Variants in EFCC1 observed in about 807,000 individuals in gnomAD.
The protein encoded by EFCC1 is EF-hand and coiled-coil domain-containing protein 1.
EFCC1 carries 50 observed loss-of-function variants against 52.1 expected under a neutral mutation model. The ratio of observed to expected loss-of-function variants is 0.96; its 90% confidence interval spans 0.76 to 1.21. The LOEUF is 1.21. EFCC1 is among the 50% of genes most tolerant of loss of function. EFCC1 has a pLI of 0.00. For synonymous variants in EFCC1, 399 were observed against 396.5 expected (o/e 1.01, Z -0.08); for missense variants, 837 against 867.3 (o/e 0.97, Z 0.44).
chr3:129,030,714 C>T lies in EFCC1; in HGVS notation c.992C>T (p.Ser331Phe). 6.4e-7 allele frequency: 1 copy of T among 1,551,412 alleles called. No individual in the cohort carries two copies. The highest frequency in any genetic ancestry group is 1.2e-5 in the South Asian group (1 of 84,030). The change falls in exon 3 of 8, where the codon TCC (serine) becomes TTC (phenylalanine). Residue 331 changes from serine (S) to phenylalanine (F), a missense_variant. Coordinates refer to ENST00000683648, the MANE Select transcript of EFCC1 (RefSeq NM_001377500.1). Reference protein sequence around the residue: ...AELQRYRSEDSQLPTPQLANP... With the variant: ...AELQRYRSEDFQLPTPQLANP... ...TCCCACGGCTGCAGGTCAGAGGATT[C>T]CCAGCTCCCAACCCCGCAGCTAGCC...
intron 2 of EFCC1, among the ~76,000 whole-genome samples, chr3:129,007,478 CCT>C (rs1412369114): frequency 6.6e-5 from 10 of 152,184 alleles, no homozygotes; most frequent in African/African-American, 2.4e-4. Flanking sequence ...CTGAACTCCC[CCT>C]GAGAATGACA....
chr3:129,028,604 C>T (rs72979122), intron 2 of EFCC1, among the ~76,000 whole-genome samples: 2,149 of 151,880 alleles, frequency 0.014, 67 homozygotes, highest in African/African-American at 0.049. Context: ...GTCCCTTTTG[C>T]AAAAATATCT....
intron 5 of EFCC1, among the ~76,000 whole-genome samples, chr3:129,034,654 G>A (rs906616765): frequency 1.3e-5 from 2 of 152,084 alleles, no homozygotes; most frequent in African/African-American, 4.8e-5. Context: ...TGTAGGAGGT[G>A]GCCTCACTTT....
At position 129,034,180 on chromosome 3, in the gene EFCC1, G is replaced by A; in HGVS notation, c.1303G>A (p.Ala435Thr). 6.2e-7 allele frequency: 1 copy of A among 1,614,248 alleles called. No homozygotes were observed. The highest frequency in any genetic ancestry group is 8.5e-7 in the Non-Finnish European group (1 of 1,180,046). Residue 435 changes from alanine to threonine, a missense_variant, in exon 5 of 8, where the codon GCG becomes ACG. By Grantham distance (58) the Ala-to-Thr change is moderately conservative (BLOSUM62 0). Coordinates refer to ENST00000683648, the MANE Select transcript of EFCC1 (RefSeq NM_001377500.1). ...SCRGRCDDQT[A>T]EKLMTYFGHF... ...TTGCTGCAGGTGTGATGACCAGACG[G>A]CGGAGAAGCTCATGACTTACTTTGG...
Position 129,002,034 on chromosome 3 carries a change from G to C in EFCC1, c.406G>C (p.Glu136Gln), listed in dbSNP as rs1448679388. The change falls in exon 1 of 8, where the codon GAG (glutamate) becomes CAG (glutamine). Residue 136 changes from glutamate to glutamine, a missense_variant. Glu to Gln is a conservative substitution (Grantham distance 29). Transcript: ENST00000683648. ...AGAGGCGCGCCTGGCGCTGCGCGCC[G>C]AGCCGCCGGAGCTCACCTTCCGCCA... is the stretch of plus-strand genomic sequence containing the variant. Reference protein sequence around the residue: ...DEEARLALRAEPPELTFRQFH... With the variant: ...DEEARLALRAQPPELTFRQFH... 4 of 1,543,882 alleles carry C rather than the reference G, an allele frequency of 2.6e-6. No individual in the cohort carries two copies. The highest frequency in any genetic ancestry group is 2.6e-6 in the Non-Finnish European group (3 of 1,144,582).
chr3:129,008,072 C>G (rs1945152664), intron 2 of EFCC1, among the ~76,000 whole-genome samples: 1 of 152,234 alleles, frequency 6.6e-6, no homozygotes, highest in South Asian at 2.1e-4. Context: ...GTAGAGTTCC[C>G]TTCAGAGCAG....
chr3:129,003,758 C>A, intron 1 of EFCC1, 36 bp from the exon 2 acceptor site: 1 of 1,357,408 alleles, frequency 7.4e-7, no homozygotes, highest in Non-Finnish European at 9.5e-7. Context: ...CTGGCTGGGG[C>A]ACTTACCCCC....
In EFCC1 at chr3:129,032,916, G is replaced by A. The variant is rs1000426425; in HGVS notation, c.1236G>A (p.Pro412=). 33 of 1,550,770 alleles carry A rather than the reference G, an allele frequency of 2.1e-5. No individual in the cohort carries two copies. Among genetic ancestry groups the A allele is most frequent in the African/African-American group, 1.4e-4 (10 of 73,020 alleles). The stretch of plus-strand genomic sequence containing the variant: ...GGTGGCAGGAGGAGAAGAAGACGCC[G>A]GCAGCCGAGGCCAAGACACTGCTGG... ...EERWQEEKKT[P]AAEAKTLLAR... is the part of the protein sequence containing the mutation. Residue 412 remains proline (P), a synonymous_variant, in exon 4 of 8, where the codon CCG becomes CCA. Transcript: ENST00000683648.
At chr3:129,035,727 C>T (rs771433311) in intron 5 of EFCC1, among the ~76,000 whole-genome samples, 1 of 152,154 alleles carries the variant, frequency 6.6e-6, no homozygotes, top group Non-Finnish European at 1.5e-5. Flanking sequence ...CACTTACTCC[C>T]CAGAGAAGGC....
chr3:129,036,107 G>T (rs1303811715), intron 5 of EFCC1, among the ~76,000 whole-genome samples: 1 of 152,268 alleles, frequency 6.6e-6, no homozygotes, highest in Non-Finnish European at 1.5e-5. Context: ...TGGCTGGGGA[G>T]GGTGGAGTGT....
At chr3:129,013,336 G>C (rs58593797) in intron 2 of EFCC1, among the ~76,000 whole-genome samples, 25,638 of 152,124 alleles carry the variant, frequency 0.17, 6,422 homozygotes, top group African/African-American at 0.55. Context: ...ATGACTAAAA[G>C]CACTCTCACT....
chr3:129,009,878 C>T lies in EFCC1; in HGVS notation c.980+5801C>T, dbSNP rs187788260. 3.3e-5 allele frequency among the ~76,000 whole-genome samples: 5 copies of T among 152,316 alleles called. No individual in the cohort carries two copies. In the East Asian group the frequency reaches 9.6e-4, roughly 29 times the overall value. ...AGTGGTTTCGGGGGGACTCTGTAAC[C>T]TCGCCAACCTGTGCCCATCCAGGTG... On this transcript the variant is annotated intron_variant, in intron 2 of 7. Coordinates refer to ENST00000683648, the MANE Select transcript of EFCC1 (RefSeq NM_001377500.1).
intron 2 of EFCC1, among the ~76,000 whole-genome samples, chr3:129,028,045 T>A (rs1221646092): frequency 6.6e-6 from 1 of 152,174 alleles, no homozygotes; most frequent in Admixed American, 6.5e-5. Flanking sequence ...GTCATACTAT[T>A]TAATAAGACC....
intron 2 of EFCC1, among the ~76,000 whole-genome samples, chr3:129,013,929 G>C (rs1945449118): frequency 6.6e-6 from 1 of 152,208 alleles, no homozygotes; most frequent in South Asian, 2.1e-4. Context: ...TTGTGACTAG[G>C]CAGGGGCAGG....
In EFCC1 at chr3:129,038,874, T is replaced by C; in HGVS notation, c.1637T>C (p.Leu546Pro). The C allele has an allele frequency of 6.2e-7, 1 of 1,614,002 alleles. No individual in the cohort carries two copies. The highest frequency in any genetic ancestry group is 8.5e-7 in the Non-Finnish European group (1 of 1,180,036). ...CTGGGGAAGATTTTGCTGAGCACGC[T>C]GGACGCTTTCAGGGACCCCACCCAC... is the stretch of plus-strand genomic sequence containing the variant. ...RALGKILLST[L>P]DAFRDPTHEG... The change falls in exon 7 of 8, where the codon CTG (leucine) becomes CCG (proline). Residue 546 changes from leucine to proline, a missense_variant. By Grantham distance (98) the Leu-to-Pro change is moderately conservative. Coordinates refer to ENST00000683648, the MANE Select transcript of EFCC1 (RefSeq NM_001377500.1).
intron 2 of EFCC1, among the ~76,000 whole-genome samples, chr3:129,029,115 CA>C (rs1054448181): frequency 6.6e-6 from 1 of 152,178 alleles, no homozygotes; most frequent in African/African-American, 2.4e-5. Flanking sequence ...CCCTGACCAA[CA>C]CCACTCGGCC....
At chr3:129,003,139 G>T (rs112795435) in intron 1 of EFCC1, among the ~76,000 whole-genome samples, 1 of 152,230 alleles carries the variant, frequency 6.6e-6, no homozygotes, top group Non-Finnish European at 1.5e-5. Context: ...ACTGCAGAGT[G>T]CAGGGAAGTG....
At chr3:129,026,753 C>A (rs936003476) in intron 2 of EFCC1, among the ~76,000 whole-genome samples, 8 of 152,136 alleles carry the variant, frequency 5.3e-5, no homozygotes, top group Non-Finnish European at 1.0e-4. Context: ...ACTGGCACCT[C>A]CCCAGTGAGA....
At chr3:129,002,571 T>G in intron 1 of EFCC1, 2 of 655,868 alleles carry the variant, frequency 3.0e-6, no homozygotes, top group Non-Finnish European at 4.6e-6. Flanking sequence ...CAAACAACCA[T>G]ACCCCACTTT....
Sources: gnomAD v4.1 joint callset for allele counts (sites outside exome capture counted in the v4.1 genomes callset) on GRCh38, gnomAD v4.1.1 for gene constraint, MANE v1.5 for transcripts, NCBI Gene and HGNC (gene_info 2026-07-23, HGNC 2026-07-21) for gene names.